The following TSNARE1 variants were observed in gnomAD, a reference collection of about 807,000 sequenced individuals.
The protein encoded by TSNARE1 is t-SNARE domain containing 1.
A neutral mutation model predicts 62.0 loss-of-function variants in TSNARE1; 49 were observed. That is an observed-to-expected ratio of 0.79 (90% confidence interval 0.63 to 1.00). The LOEUF is 1.00. Among genes scored for constraint, TSNARE1 ranks in the 50% least tolerant of loss-of-function variants. The pLI, the probability that TSNARE1 is intolerant of heterozygous loss-of-function variation, is 0.00. For missense variants in TSNARE1, 755 were observed against 700.1 expected (o/e 1.08, Z -0.88); for synonymous variants, 328 against 294.4 (o/e 1.11, Z -1.17).
chr8:142,299,374 G>A (rs1825293788), intron 10 of TSNARE1, among the ~76,000 whole-genome samples: 1 of 152,230 alleles, frequency 6.6e-6, no homozygotes, highest in Non-Finnish European at 1.5e-5. Context: ...TTTTCTAGAA[G>A]AGTCAGCTCT....
intron 4 of TSNARE1, among the ~76,000 whole-genome samples, chr8:142,336,751 G>A (rs1346413597): frequency 6.6e-6 from 1 of 152,158 alleles, no homozygotes; most frequent in East Asian, 1.9e-4. Flanking sequence ...CATTCACTAA[G>A]ACAGACTCTA....
intron 13 of TSNARE1, among the ~76,000 whole-genome samples, chr8:142,217,873 G>A (rs74913981): frequency 0.13 from 12,446 of 98,142 alleles, 1,043 homozygotes; most frequent in African/African-American, 0.17. Context: ...TCAGTGTGTG[G>A]CCAGGATCAG....
At chr8:142,276,194 G>T in intron 11 of TSNARE1, 2 of 985,474 alleles carry the variant, frequency 2.0e-6, no homozygotes, top group Non-Finnish European at 2.4e-6. Flanking sequence ...CCAAAGCCCA[G>T]AGAGCGGGTA....
rs1306703536 is a variant in TSNARE1 at position 142,274,942 on chromosome 8, G to A, written c.1364-79C>T. 1.7e-5 allele frequency: 24 copies of A among 1,407,338 alleles called. No homozygotes were observed. In the Admixed American group the frequency reaches 7.6e-4, roughly 45 times the overall value. The allele number at this position is 1,407,338 out of a possible 1,614,324, so 87.2% of individuals were successfully genotyped here. ...CCCTGAGGACACCCCCCAAAGGCAA[G>A]CCCAGGGAGCCTGAGCCCAGGGCCT... On this transcript the variant is annotated intron_variant, in intron 11 of 13. Transcript: ENST00000524325.
intron 2 of TSNARE1, among the ~76,000 whole-genome samples, chr8:142,346,867 C>T (rs7387950): frequency 1.3e-5 from 2 of 152,236 alleles, no homozygotes; most frequent in Admixed American, 1.3e-4. Context: ...CTCTCAGGAT[C>T]CGTCTAGGGG....
In TSNARE1 at chr8:142,308,405, G is replaced by C. The variant is rs983865284; in HGVS notation, c.1131+5979C>G. On this transcript the variant is annotated intron_variant, in intron 9 of 13. Coordinates refer to ENST00000524325, the MANE Select transcript of TSNARE1 (RefSeq NM_145003.5). Reference sequence around the variant, plus strand: ...ACAGGGTGAGCTGACGTTTGCAAAGGGTCCTTTTTTTCCAGTTCAAACATC... The same window carrying C: ...ACAGGGTGAGCTGACGTTTGCAAAGCGTCCTTTTTTTCCAGTTCAAACATC... 2.0e-5 allele frequency among the ~76,000 whole-genome samples: 3 copies of C among 152,146 alleles called. No homozygotes were observed. In the East Asian group the frequency reaches 5.8e-4, roughly 29 times the overall value.
intron 12 of TSNARE1, among the ~76,000 whole-genome samples, chr8:142,251,600 C>T (rs1305758533): frequency 1.3e-5 from 2 of 152,204 alleles, no homozygotes; most frequent in Middle Eastern, 3.2e-3. Context: ...CACATTCCTG[C>T]CTGGAGACAG....
At chr8:142,255,473 C>G (rs867043137) in intron 12 of TSNARE1, among the ~76,000 whole-genome samples, 1 of 32,796 alleles carries the variant, frequency 3.0e-5, no homozygotes, top group Non-Finnish European at 5.2e-5. Context: ...ACCATCACCA[C>G]CACCATCACC....
Position 142,344,071 on chromosome 8 carries a change from C to T in TSNARE1, c.640G>A (p.Gly214Ser), listed in dbSNP as rs756641263. Residue 214 changes from glycine (G) to serine (S), a missense_variant, in exon 4 of 14, where the codon GGC becomes AGC. Coordinates refer to ENST00000524325, the MANE Select transcript of TSNARE1 (RefSeq NM_145003.5). ...GTGAGAGCCAGGGCCTGGGGCTTGCCGGAACCAGGGCTGGGGCCATGGGCC... is the reference window on the plus strand; with the variant it reads ...GTGAGAGCCAGGGCCTGGGGCTTGCTGGAACCAGGGCTGGGGCCATGGGCC... ...KAAHGPSPGSGKPQALALTPV... is the reference protein window; with the variant it reads ...KAAHGPSPGSSKPQALALTPV... The T allele has an allele frequency of 1.2e-5, 19 of 1,603,694 alleles. No homozygotes were observed. Among genetic ancestry groups the T allele is most frequent in the South Asian group, 7.8e-5 (7 of 90,236 alleles).
chr8:142,342,514 G>A (rs1300364579), intron 4 of TSNARE1, among the ~76,000 whole-genome samples: 1 of 152,164 alleles, frequency 6.6e-6, no homozygotes, highest in Non-Finnish European at 1.5e-5. Context: ...CCGGGGCAGG[G>A]CATGTCCAGG....
chr8:142,393,048 C>A (rs1249372520), intron 1 of TSNARE1, among the ~76,000 whole-genome samples: 8 of 151,988 alleles, frequency 5.3e-5, no homozygotes, highest in African/African-American at 1.9e-4. Context: ...TGGATGCTTC[C>A]TGCCATGTTT....
At chr8:142,325,296 A>G (rs1490997270) in intron 6 of TSNARE1, among the ~76,000 whole-genome samples, 2 of 152,120 alleles carry the variant, frequency 1.3e-5, no homozygotes, top group African/African-American at 4.8e-5. Flanking sequence ...CACAACACAG[A>G]CTCTGGGTTT....
At position 142,221,820 on chromosome 8, in the gene TSNARE1, TTCAC is replaced by T. The variant is rs1475370433; in HGVS notation, c.*11+7649_*11+7652del. Among the ~76,000 whole-genome samples, 2 of 10,730 alleles carry T rather than the reference TTCAC, an allele frequency of 1.9e-4. 1 individual carries two copies. The highest frequency in any genetic ancestry group is 7.0e-4 in the African/African-American group (2 of 2,860). The allele number at this position is 10,730 out of a possible 152,430, so 7.0% of individuals were successfully genotyped here. A position where few individuals can be genotyped will look rare whatever the true frequency, so the allele number is the denominator to read the frequency against. On this transcript the variant is annotated intron_variant, in intron 13 of 13. Coordinates refer to ENST00000524325, the MANE Select transcript of TSNARE1 (RefSeq NM_145003.5). ...ATTCACTCACTCATCCACTCACTCATTCACTCACTCACTCATCCACTCATTCACT... is the reference window on the plus strand; with the variant it reads ...ATTCACTCACTCATCCACTCACTCATTCACTCACTCATCCACTCATTCACT...
intron 11 of TSNARE1, chr8:142,278,430 C>T (rs1292906560): frequency 1.0e-5 from 10 of 985,356 alleles, no homozygotes; most frequent in African/African-American, 1.7e-5. Context: ...GTCCTGCTTC[C>T]GGGGCTTCGT....
intron 11 of TSNARE1, chr8:142,276,514 G>C (rs1820526237): frequency 2.0e-6 from 2 of 985,474 alleles, no homozygotes; most frequent in Non-Finnish European, 2.4e-6. Context: ...GCTGAGAGGT[G>C]AATGTGGACA....
At chr8:142,359,394 G>A (rs1219947997) in intron 1 of TSNARE1, among the ~76,000 whole-genome samples, 3 of 152,150 alleles carry the variant, frequency 2.0e-5, no homozygotes, top group African/African-American at 7.2e-5. Context: ...CCTGACCTCA[G>A]CACATCCCAG....
intron 12 of TSNARE1, among the ~76,000 whole-genome samples, chr8:142,250,734 A>G (rs1818120941): frequency 6.6e-6 from 1 of 152,324 alleles, no homozygotes; most frequent in South Asian, 2.1e-4. Context: ...ATGGCAGCAC[A>G]GGCAGCTGAC....
chr8:142,222,528 T>TCACTCACTCATC (rs1816387690), intron 13 of TSNARE1, among the ~76,000 whole-genome samples: 2 of 64,992 alleles, frequency 3.1e-5, no homozygotes, highest in African/African-American at 6.5e-5. Context: ...ACTCATCCAC[T>TCACTCACTCATC]CACTCACTCA....
At chr8:142,379,739 G>T (rs917630534) in intron 1 of TSNARE1, among the ~76,000 whole-genome samples, 3 of 152,132 alleles carry the variant, frequency 2.0e-5, no homozygotes, top group African/African-American at 7.2e-5. Context: ...CCAGCTCAGG[G>T]CTCCAGCTTT....
Sources: allele counts gnomAD v4.1 joint callset (sites outside exome capture counted in the v4.1 genomes callset), GRCh38; gene constraint gnomAD v4.1.1; transcripts MANE v1.5; gene names NCBI Gene and HGNC (gene_info 2026-07-23, HGNC 2026-07-21).